Variants in MEST observed in about 807,000 individuals in gnomAD.
MEST encodes mesoderm-specific transcript homolog protein.
MEST carries 18 observed loss-of-function variants against 50.9 expected under a neutral mutation model. The observed-to-expected ratio is 0.35, with a 90% CI of 0.24 to 0.52. MEST has a LOEUF of 0.52. Among genes scored for constraint, MEST ranks in the 20% least tolerant of loss-of-function variants. The probability of loss-of-function intolerance (pLI) is 0.94; values close to 1 mark genes in which losing one functional copy is unlikely to be tolerated. For synonymous variants in MEST, 130 were observed against 154.1 expected (o/e 0.84, Z 1.16); for missense variants, 282 against 425.3 (o/e 0.66, Z 2.96).
intron 7 of MEST, 37 bp downstream of exon 7, chr7:130,499,952 T>C (rs781991524): frequency 5.7e-6 from 9 of 1,571,374 alleles, no homozygotes; most frequent in Non-Finnish European, 7.8e-6. Flanking sequence ...GTTTTAGGAT[T>C]TGTACTGACG....
At chr7:130,504,051 T>TAAAC in intron 11 of MEST, 55 bp downstream of exon 11, 5 of 1,432,946 alleles carry the variant, frequency 3.5e-6, no homozygotes, top group Non-Finnish European at 4.9e-6. Flanking sequence ...CTGACAGTGG[T>TAAAC]AAACAGAATT....
At chr7:130,498,888 A>AG (rs554172669) in intron 6 of MEST, 79 of 188,432 alleles carry the variant, frequency 4.2e-4, no homozygotes, top group African/African-American at 1.2e-3. Context: ...TTGAAGATAC[A>AG]GAAAAAAGCC....
At chr7:130,498,712 TTACA>T (rs1485592772) in intron 6 of MEST, 5 of 588,786 alleles carry the variant, frequency 8.5e-6, no homozygotes, top group Non-Finnish European at 3.0e-6. Context: ...GTGACTTTAC[TTACA>T]TAGTCAATAA....
chr7:130,498,840 TATCTG>T, intron 6 of MEST: 1 of 296,384 alleles, frequency 3.4e-6, no homozygotes, highest in Admixed American at 4.8e-5. Context: ...CTGTTTGCCA[TATCTG>T]AAACAACTGC....
intron 10 of MEST, among the ~76,000 whole-genome samples, chr7:130,503,286 A>G (rs1278633644): frequency 6.6e-6 from 1 of 152,370 alleles, no homozygotes; most frequent in East Asian, 1.9e-4. Context: ...AGGGTCTGTT[A>G]TAACTGAAGA....
Position 130,499,818 on chromosome 7 carries a change from A to C in MEST, c.536-57A>C, listed in dbSNP as rs563820759. On this transcript the variant is annotated intron_variant, in intron 6 of 11. Transcript: ENST00000223215. The stretch of plus-strand genomic sequence containing the variant: ...GGCAACCCAGTGAGATCCCGTCTCT[A>C]TAAAAAAAAAAAAATTAAAGCTGTA... The C allele has an allele frequency of 1.4e-5, 20 of 1,393,318 alleles. No homozygotes were observed. The East Asian group carries it at 2.1e-4, about 15-fold the overall frequency. 86.3% of individuals were successfully genotyped at this position (1,393,318 alleles called of 1,614,324 possible).
At chr7:130,490,616 G>C (rs1188752316), upstream of MEST, among the ~76,000 whole-genome samples, 2 of 152,210 alleles carry the variant, frequency 1.3e-5, no homozygotes, top group African/African-American at 4.8e-5. Flanking sequence ...CGTTAGGGAG[G>C]AGTGGGTCAA....
At chr7:130,504,031 G>C (rs1554439225) in intron 11 of MEST, 35 bp downstream of exon 11, 1 of 1,557,624 alleles carries the variant, frequency 6.4e-7, no homozygotes, top group Non-Finnish European at 8.9e-7. Context: ...TGTTTTGTTA[G>C]TATCTCATCC....
At chr7:130,486,830 G>GT (rs1183098513) in intron 1 of MEST, 1 of 152,370 alleles carries the variant, frequency 6.6e-6, no homozygotes, top group Admixed American at 6.5e-5. Flanking sequence ...AGCCTTGGAG[G>GT]TTGGAAAGGT....
Position 130,500,364 on chromosome 7 carries a change from G to A in MEST, c.577-98G>A. ...AGTACCAAACCATTCAGTAGCAGGA[G>A]ATTTGGCTAAAGATTTAGTTCCTAG... is the stretch of plus-strand genomic sequence containing the variant. On this transcript the variant is annotated intron_variant, in intron 7 of 11. Coordinates refer to ENST00000223215, the MANE Select transcript of MEST (RefSeq NM_002402.4). This position sits in a 1 kb window ranked among gnomAD's most constrained non-coding sequence, Gnocchi z 5.0. The A allele has an allele frequency of 9.6e-7, 1 of 1,038,106 alleles. No homozygotes were observed. Among genetic ancestry groups the A allele is most frequent in the Non-Finnish European group, 1.4e-6 (1 of 706,024 alleles). The allele number at this position is 1,038,106 out of a possible 1,614,324, so 64.3% of individuals were successfully genotyped here.
At chr7:130,496,899 G>C (rs1418880230) in intron 2 of MEST, 41 of 294,652 alleles carry the variant, frequency 1.4e-4, no homozygotes, top group South Asian at 1.5e-4. Flanking sequence ...AAAACACCTA[G>C]GTGAAAGTAA....
chr7:130,497,877 G>C lies in MEST; in HGVS notation c.262-59G>C. 6.7e-7 allele frequency: 1 copy of C among 1,497,234 alleles called. No homozygotes were observed. 92.7% of individuals were successfully genotyped at this position (1,497,234 alleles called of 1,614,324 possible). On this transcript the variant is annotated intron_variant, in intron 3 of 11. Coordinates refer to ENST00000223215, the MANE Select transcript of MEST (RefSeq NM_002402.4). This position sits in a 1 kb window ranked among gnomAD's most constrained non-coding sequence, Gnocchi z 4.0. ...GGGCTGAAGCTCCTGTGCAACTGTA[G>C]GTCTGGTGAAAGGGAGGGGCAGGAG...
chr7:130,495,604 T>C (rs1464668829), intron 2 of MEST, 82 bp downstream of exon 2: 3 of 1,380,382 alleles, frequency 2.2e-6, no homozygotes, highest in East Asian at 4.7e-5. Context: ...GCTATTGGTC[T>C]CTTGTTGCTC....
chr7:130,492,511 C>T lies in MEST; in HGVS notation c.26+172C>T. The T allele has an allele frequency of 2.3e-6, 1 of 442,164 alleles. No homozygotes were observed. Among genetic ancestry groups the T allele is most frequent in the Non-Finnish European group, 3.7e-6 (1 of 267,792 alleles). The allele number at this position is 442,164 out of a possible 1,614,324, so 27.4% of individuals were successfully genotyped here. On this transcript the variant is annotated intron_variant, in intron 1 of 11. Transcript: ENST00000223215. This position sits in a 1 kb window ranked among gnomAD's most constrained non-coding sequence, Gnocchi z 7.6. ...CTGCCTACTTGAGGAGGGGGTGTCA[C>T]TCCTGCCCGCAATGGAATGTTCAGA...
upstream of MEST, chr7:130,491,261 T>A (rs1230923989): frequency 6.6e-6 from 1 of 152,306 alleles, no homozygotes; most frequent in Non-Finnish European, 1.5e-5. The surrounding 1 kb of genome is among the most constrained non-coding windows in gnomAD (Gnocchi z 6.8). Context: ...AAAGGGGGCT[T>A]TGCTCTCCTA....
In MEST at chr7:130,492,287, C is replaced by T. The variant is rs1311542533; in HGVS notation, c.-27C>T. ...CGGCGCCCGGTGCTCTGCAACGCTG[C>T]GGCGGGCGGCATGGGATAACGCGGC... On this transcript the variant is annotated 5_prime_UTR_variant, in exon 1 of 12. Transcript: ENST00000223215. This position sits in a 1 kb window ranked among gnomAD's most constrained non-coding sequence, Gnocchi z 7.6. 5 of 1,346,382 alleles carry T rather than the reference C, an allele frequency of 3.7e-6. No individual in the cohort carries two copies. The highest frequency in any genetic ancestry group is 7.9e-5 in the Admixed American group (2 of 25,266). 83.4% of individuals were successfully genotyped at this position (1,346,382 alleles called of 1,614,324 possible). A position where few individuals can be genotyped will look rare whatever the true frequency, so the allele number is the denominator to read the frequency against.
chr7:130,500,615 G>A lies in MEST; in HGVS notation c.647+83G>A. The A allele has an allele frequency of 7.1e-7, 1 of 1,415,872 alleles. No homozygotes were observed. Among genetic ancestry groups the A allele is most frequent in the South Asian group, 1.3e-5 (1 of 79,490 alleles). The allele number at this position is 1,415,872 out of a possible 1,614,324, so 87.7% of individuals were successfully genotyped here. A position where few individuals can be genotyped will look rare whatever the true frequency, so the allele number is the denominator to read the frequency against. On this transcript the variant is annotated intron_variant, in intron 8 of 11. Coordinates refer to ENST00000223215, the MANE Select transcript of MEST (RefSeq NM_002402.4). This position sits in a 1 kb window ranked among gnomAD's most constrained non-coding sequence, Gnocchi z 5.0. ...TTACAATTCTGGGCCAAATCCTAAG[G>A]CTTGATATTTTAAAGCAAAGGTGTT...
At chr7:130,494,713 G>A in intron 1 of MEST, 1 of 275,986 alleles carries the variant, frequency 3.6e-6, no homozygotes, top group Non-Finnish European at 5.5e-6. Context: ...GGAATACACA[G>A]TGCAGCTATC....
At chr7:130,499,681 T>C (rs1040545160) in intron 6 of MEST, among the ~76,000 whole-genome samples, 194 bp from the exon 7 acceptor site, 1 of 152,134 alleles carries the variant, frequency 6.6e-6, no homozygotes, top group Non-Finnish European at 1.5e-5. Flanking sequence ...TTTCTGATAA[T>C]GGGCTTGCCT....
Sources: allele counts gnomAD v4.1 joint callset (sites outside exome capture counted in the v4.1 genomes callset), GRCh38; gene constraint gnomAD v4.1.1; non-coding constraint Gnocchi (gnomAD v3.1); transcripts MANE v1.5; gene names NCBI Gene and HGNC (gene_info 2026-07-23, HGNC 2026-07-21).